Variants in PTK2 observed in about 807,000 individuals in gnomAD.
The protein encoded by PTK2 is protein tyrosine kinase 2, also known as focal adhesion kinase 1.
A neutral mutation model predicts 150.1 loss-of-function variants in PTK2; 45 were observed. The ratio of observed to expected loss-of-function variants is 0.30; its 90% CI spans 0.24 to 0.38. The LOEUF is 0.38. Ranked by LOEUF, PTK2 falls within the 10% of genes least tolerant of loss-of-function variation. PTK2 has a pLI of 1.00. For synonymous variants in PTK2, 432 were observed against 449.2 expected, an observed-to-expected ratio of 0.96 and a Z score of 0.48; for missense variants, 919 against 1,307.3, an observed-to-expected ratio of 0.70 and a Z score of 4.58.
intron 3 of PTK2, among the ~76,000 whole-genome samples, chr8:140,883,762 T>G (rs1468435372): frequency 6.6e-6 from 1 of 152,168 alleles, no homozygotes; most frequent in Non-Finnish European, 1.5e-5. Context: ...CTTTTTTATC[T>G]TGGTGGTCCA....
chr8:140,965,873 T>C (rs1179958782), intron 1 of PTK2, among the ~76,000 whole-genome samples: 1 of 152,144 alleles, frequency 6.6e-6, no homozygotes, highest in Non-Finnish European at 1.5e-5. Flanking sequence ...CAAGACTCCA[T>C]CTCAAAAAGA....
At chr8:140,730,550 G>A (rs1251175536) in intron 22 of PTK2, among the ~76,000 whole-genome samples, 1 of 152,156 alleles carries the variant, frequency 6.6e-6, no homozygotes, top group African/African-American at 2.4e-5. Context: ...CTGGGGTGCT[G>A]GTAGTATTTT....
intron 1 of PTK2, among the ~76,000 whole-genome samples, chr8:140,967,356 T>C (rs2100185642): frequency 6.6e-6 from 1 of 152,198 alleles, no homozygotes; most frequent in African/African-American, 2.4e-5. Flanking sequence ...ATAAGTTATC[T>C]GGCTGGAATT....
intron 27 of PTK2, among the ~76,000 whole-genome samples, chr8:140,683,322 CA>C (rs2100018088): frequency 6.6e-6 from 1 of 152,152 alleles, no homozygotes; most frequent in Admixed American, 6.6e-5. Flanking sequence ...AATCCCTGAA[CA>C]GACCAATAAT....
At chr8:140,842,467 C>T (rs2154603959) in intron 7 of PTK2, among the ~76,000 whole-genome samples, 1 of 152,014 alleles carries the variant, frequency 6.6e-6, no homozygotes, top group Middle Eastern at 3.4e-3. Context: ...GTATTAAGCT[C>T]TTGACATAAA....
intron 14 of PTK2, among the ~76,000 whole-genome samples, chr8:140,789,216 C>A: frequency 6.8e-6 from 1 of 147,470 alleles, no homozygotes; most frequent in South Asian, 2.1e-4. Flanking sequence ...TATTAAAACC[C>A]AAAAATAATT....
chr8:140,881,968 CT>C (rs934185732), intron 3 of PTK2, among the ~76,000 whole-genome samples: 1 of 151,886 alleles, frequency 6.6e-6, no homozygotes, highest in Non-Finnish European at 1.5e-5. Context: ...GTGACACAGC[CT>C]TTGCATACAG....
intron 4 of PTK2, among the ~76,000 whole-genome samples, chr8:140,872,401 A>C (rs2100143068): frequency 6.6e-6 from 1 of 152,226 alleles, no homozygotes; most frequent in African/African-American, 2.4e-5. Flanking sequence ...TACATTATAC[A>C]ATCAATATGT....
intron 1 of PTK2, among the ~76,000 whole-genome samples, chr8:140,927,179 T>C (rs1404442453): frequency 6.6e-6 from 1 of 152,184 alleles, no homozygotes; most frequent in Non-Finnish European, 1.5e-5. Flanking sequence ...ACCATAATAA[T>C]GCAAACATCA....
At chr8:140,779,688 G>A (rs116214380) in intron 14 of PTK2, among the ~76,000 whole-genome samples, 3 of 152,216 alleles carry the variant, frequency 2.0e-5, no homozygotes, top group Admixed American at 1.3e-4. Context: ...CAGAGGGTAT[G>A]CCAGCAACAA....
At chr8:140,761,056 G>A (rs571532270) in intron 16 of PTK2, 109 bp downstream of exon 19, 21 of 736,894 alleles carry the variant, frequency 2.8e-5, no homozygotes, top group East Asian at 1.3e-4. Context: ...AAAGACACCC[G>A]TAAATATTAA....
intron 4 of PTK2, 27 bp downstream of exon 4, chr8:140,879,444 T>G (rs2100147623): frequency 3.2e-6 from 5 of 1,567,752 alleles, no homozygotes; most frequent in Non-Finnish European, 4.3e-6. Context: ...CAAGTGTGCA[T>G]CACACCAAAG....
At chr8:140,970,889 C>A (rs1256131764) in intron 1 of PTK2, among the ~76,000 whole-genome samples, 8 of 144,594 alleles carry the variant, frequency 5.5e-5, no homozygotes, top group African/African-American at 1.0e-4. Flanking sequence ...AGAAATATGT[C>A]AAAAAAAAAA....
At chr8:140,975,128 A>G (rs1313908517) in intron 1 of PTK2, among the ~76,000 whole-genome samples, 1 of 152,230 alleles carries the variant, frequency 6.6e-6, no homozygotes, top group Non-Finnish European at 1.5e-5. Context: ...ACTGTATGTT[A>G]CTAAATTCGA....
At chr8:140,975,832 C>G (rs568597146) in intron 1 of PTK2, among the ~76,000 whole-genome samples, 25 of 152,280 alleles carry the variant, frequency 1.6e-4, no homozygotes, top group African/African-American at 5.1e-4. Flanking sequence ...CAGTCTCACT[C>G]CCCCTCAAGT....
intron 2 of PTK2, among the ~76,000 whole-genome samples, chr8:140,906,205 G>C (rs1400157599): frequency 6.6e-6 from 1 of 152,100 alleles, no homozygotes; most frequent in Non-Finnish European, 1.5e-5. Flanking sequence ...TTATAAAAAA[G>C]ACAAAAAATA....
At chr8:140,666,779 A>G (rs999734120) in intron 30 of PTK2, among the ~76,000 whole-genome samples, 2 of 152,234 alleles carry the variant, frequency 1.3e-5, no homozygotes, top group Admixed American at 6.5e-5. Flanking sequence ...TACACTCAAA[A>G]GAAGTGAAAG....
At chr8:140,700,943 T>G (rs1591080581) in exon 26 of PTK2, 1 of 1,614,176 alleles carries the variant, frequency 6.2e-7, no homozygotes, top group East Asian at 2.2e-5. Context: ...CATTTCCTGT[T>G]GCTGTCGGAT....
At chr8:140,943,147 G>T (rs1000893243) in intron 1 of PTK2, among the ~76,000 whole-genome samples, 1 of 152,150 alleles carries the variant, frequency 6.6e-6, no homozygotes, top group East Asian at 1.9e-4. Context: ...TTATACCAAC[G>T]CAAGAACAGC....
Sources: allele counts gnomAD v4.1 joint callset (sites outside exome capture counted in the v4.1 genomes callset), GRCh38; gene constraint gnomAD v4.1.1; transcripts MANE v1.5; gene names NCBI Gene and HGNC (gene_info 2026-07-23, HGNC 2026-07-21).